GLCE: variants seen among roughly 807,000 people sequenced by gnomAD.
The protein encoded by GLCE is glucuronic acid epimerase, also known as D-glucuronyl C5-epimerase.
GLCE carries 19 observed loss-of-function variants against 47.9 expected under a neutral mutation model. That is an observed-to-expected ratio of 0.40 (90% CI 0.28 to 0.58). GLCE has a LOEUF of 0.58. Ranked by LOEUF, GLCE falls within the 20% of genes least tolerant of loss-of-function variation. GLCE has a pLI of 0.48. For missense variants in GLCE, 556 were observed against 743.3 expected (o/e 0.75, Z 2.93); for synonymous variants, 245 against 263.4 (o/e 0.93, Z 0.68).
chr15:69,197,429 A>G (rs913075505), intron 1 of GLCE: 31 of 195,166 alleles, frequency 1.6e-4, no homozygotes, highest in Admixed American at 2.7e-4. Context: ...AATGTTTCCT[A>G]TTTTGATGAA....
intron 1 of GLCE, among the ~76,000 whole-genome samples, chr15:69,185,993 C>T (rs1275141826): frequency 2.0e-5 from 3 of 152,022 alleles, no homozygotes; most frequent in Non-Finnish European, 4.4e-5. Flanking sequence ...TACTTGCTTA[C>T]CTTTAGTGGT....
intron 1 of GLCE, among the ~76,000 whole-genome samples, chr15:69,166,908 CAAAAAAAA>C (rs34522584): frequency 1.4e-4 from 6 of 42,448 alleles, no homozygotes; most frequent in African/African-American, 2.9e-4. Context: ...GACTCTGTCT[CAAAAAAAA>C]AAAAAAAAAA....
In GLCE at chr15:69,251,750, C is replaced by T. The variant is rs182553434; in HGVS notation, c.-13-4044C>T. ...GCAGATTCGTGGATTTTTATTGCTT[C>T]GTTGTGTTTCAGTCTACTTCACTCA... On this transcript the variant is annotated intron_variant, in intron 2 of 4. Transcript: ENST00000261858. Among the ~76,000 whole-genome samples the T allele has an allele frequency of 1.4e-4, 22 of 152,120 alleles. No individual in the cohort carries two copies. In the East Asian group the frequency reaches 3.9e-3, roughly 27 times the overall value.
At chr15:69,247,764 G>A (rs1020994699) in intron 2 of GLCE, among the ~76,000 whole-genome samples, 1 of 152,142 alleles carries the variant, frequency 6.6e-6, no homozygotes, top group African/African-American at 2.4e-5. Flanking sequence ...AAAATAGCAA[G>A]GCCCAAGGAG....
chr15:69,177,009 G>A (rs1021038106), intron 1 of GLCE, among the ~76,000 whole-genome samples: 1 of 151,770 alleles, frequency 6.6e-6, no homozygotes, highest in African/African-American at 2.4e-5. Context: ...ACCTGAATCA[G>A]GAACATTTCA....
intron 1 of GLCE, among the ~76,000 whole-genome samples, chr15:69,203,581 C>CA (rs2052107113): frequency 6.6e-6 from 1 of 152,098 alleles, no homozygotes; most frequent in African/African-American, 2.4e-5. Flanking sequence ...ACTGCACACA[C>CA]ATGGCTTCAG....
In GLCE at chr15:69,235,093, C is replaced by CTTTTTT. The variant is rs869212730; in HGVS notation, c.-13-20674_-13-20669dup. Among the ~76,000 whole-genome samples the CTTTTTT allele has an allele frequency of 1.3e-3, 79 of 62,882 alleles. 14 individuals carry two copies. The highest frequency in any genetic ancestry group is 4.0e-3 in the African/African-American group (54 of 13,348). The allele number at this position is 62,882 out of a possible 152,430, so 41.3% of individuals were successfully genotyped here. A position where few individuals can be genotyped will look rare whatever the true frequency, so the allele number is the denominator to read the frequency against. On this transcript the variant is annotated intron_variant, in intron 2 of 4. Coordinates refer to ENST00000261858, the MANE Select transcript of GLCE (RefSeq NM_015554.3). The stretch of plus-strand genomic sequence containing the variant: ...CTGATACAGATAGATGAAGATTATT[C>CTTTTTT]TTTTTTTTTTTTTTTTTTTTTTTTT...
intron 1 of GLCE, among the ~76,000 whole-genome samples, chr15:69,170,190 TCTTA>T (rs1431779138): frequency 2.6e-5 from 4 of 152,174 alleles, no homozygotes; most frequent in Non-Finnish European, 5.9e-5. Flanking sequence ...AAGCAAAATA[TCTTA>T]CTTAATTTGT....
chr15:69,211,894 CT>C (rs975129618), intron 2 of GLCE, among the ~76,000 whole-genome samples: 1 of 151,914 alleles, frequency 6.6e-6, no homozygotes, highest in Admixed American at 6.6e-5. Context: ...TGTGAGGTAT[CT>C]TTGCTTTCAT....
At chr15:69,218,616 TTAA>T (rs1375659216) in intron 2 of GLCE, among the ~76,000 whole-genome samples, 1 of 152,220 alleles carries the variant, frequency 6.6e-6, no homozygotes, top group African/African-American at 2.4e-5. Context: ...TTATGTTTAA[TTAA>T]TAATTAGACA....
At chr15:69,187,664 G>A (rs1232705508) in intron 1 of GLCE, among the ~76,000 whole-genome samples, 1 of 152,154 alleles carries the variant, frequency 6.6e-6, no homozygotes. Flanking sequence ...AAATGAAAAT[G>A]TGTACTACAT....
chr15:69,267,257 C>A (rs550612529), intron 4 of GLCE, among the ~76,000 whole-genome samples: 1 of 152,178 alleles, frequency 6.6e-6, no homozygotes, highest in East Asian at 1.9e-4. Context: ...GGAATAATAA[C>A]CATCATTTAT....
At chr15:69,191,613 T>C (rs1376826743) in intron 1 of GLCE, among the ~76,000 whole-genome samples, 1 of 152,172 alleles carries the variant, frequency 6.6e-6, no homozygotes, top group Non-Finnish European at 1.5e-5. Context: ...TATTGGGAGC[T>C]GGTCAGGTAA....
At chr15:69,178,899 A>G (rs78125827) in intron 1 of GLCE, among the ~76,000 whole-genome samples, 1,757 of 152,316 alleles carry the variant, frequency 0.012, 27 homozygotes, top group African/African-American at 0.038. Flanking sequence ...ATATAGCCAC[A>G]CAATGGGATG....
At position 69,271,632 on chromosome 15, in the gene GLCE, TCTTTG is replaced by T. The variant is rs1566976772; in HGVS notation, c.*2393_*2397del. 1 of 152,686 alleles carries T rather than the reference TCTTTG, an allele frequency of 6.5e-6. No individual in the cohort carries two copies. Among genetic ancestry groups the T allele is most frequent in the East Asian group, 1.9e-4 (1 of 5,190 alleles). The allele number at this position is 152,686 out of a possible 1,614,324, so 9.5% of individuals were successfully genotyped here. Reference sequence around the variant, plus strand: ...TTATTGTTTTATTTCTTTAAGTTTTTCTTTGCTTTAAGATTATAGGTATTAGGTTT... The same window carrying T: ...TTATTGTTTTATTTCTTTAAGTTTTTCTTTAAGATTATAGGTATTAGGTTT... On this transcript the variant is annotated 3_prime_UTR_variant, in exon 5 of 5. Coordinates refer to ENST00000261858, the MANE Select transcript of GLCE (RefSeq NM_015554.3).
chr15:69,240,231 C>T (rs879523026), intron 2 of GLCE, among the ~76,000 whole-genome samples: 104,408 of 149,828 alleles, frequency 0.7, 37,441 homozygotes, highest in Admixed American at 0.78. Context: ...TATCAAACCG[C>T]CGAGATCCCG....
Position 69,268,441 on chromosome 15 carries a change from A to G in GLCE, c.1051A>G (p.Thr351Ala). 6.2e-7 allele frequency: 1 copy of G among 1,614,138 alleles called. No individual in the cohort carries two copies. The highest frequency in any genetic ancestry group is 1.1e-5 in the South Asian group (1 of 91,088). The part of the protein sequence containing the change: ...IGPRTSWSTV[T>A]RDLVTDLRKG... ...GCCCAGAACTTCATGGAGCACAGTTACCAGGGACCTGGTCACTGACCTCAG... is the reference window on the plus strand; with the variant it reads ...GCCCAGAACTTCATGGAGCACAGTTGCCAGGGACCTGGTCACTGACCTCAG... The change falls in exon 5 of 5, where the codon ACC becomes GCC. Residue 351 changes from threonine to alanine, a missense_variant. By Grantham distance (58) the Thr-to-Ala change is moderately conservative. Transcript: ENST00000261858.
intron 2 of GLCE, among the ~76,000 whole-genome samples, chr15:69,252,029 T>C (rs1441556572): frequency 6.6e-6 from 1 of 152,222 alleles, no homozygotes; most frequent in Non-Finnish European, 1.5e-5. Flanking sequence ...TTTTCTGGTG[T>C]GGCAAGGTGT....
At chr15:69,194,496 T>C (rs2043136108) in intron 1 of GLCE, 1 of 152,188 alleles carries the variant, frequency 6.6e-6, no homozygotes, top group Non-Finnish European at 1.5e-5. Context: ...TTTGTTTATC[T>C]GAACCTGAGC....
Sources: allele counts gnomAD v4.1 joint callset (sites outside exome capture counted in the v4.1 genomes callset), GRCh38; gene constraint gnomAD v4.1.1; transcripts MANE v1.5; gene names NCBI Gene and HGNC (gene_info 2026-07-23, HGNC 2026-07-21).